PIERCE1: variants seen among roughly 807,000 people sequenced by gnomAD.
The protein encoded by PIERCE1 is piercer of microtubule wall 1, also known as piercer of microtubule wall 1 protein.
the PIERCE1 span, among the ~76,000 whole-genome samples, chr9:135,496,708 T>A: frequency 6.6e-6 from 1 of 151,954 alleles, no homozygotes; most frequent in Middle Eastern, 3.4e-3. Flanking sequence ...TATTAGTAAC[T>A]AAAGTCTACA....
chr9:135,499,002 G>A, the PIERCE1 span: 20 of 306,902 alleles, frequency 6.5e-5, no homozygotes, highest in Admixed American at 2.4e-4. Context: ...TGTCAGGAGC[G>A]GAGGCTTGGC....
At chr9:135,499,781 G>C in the PIERCE1 span, 1 of 1,606,246 alleles carries the variant, frequency 6.2e-7, no homozygotes, top group Non-Finnish European at 8.5e-7. Context: ...GTAGTCGCTG[G>C]TCCTCTCCGG....
At chr9:135,497,400 C>CTT in the PIERCE1 span, among the ~76,000 whole-genome samples, 325 of 147,422 alleles carry the variant, frequency 2.2e-3, 2 homozygotes, top group Middle Eastern at 7.0e-3. Context: ...GTTTTTTTTT[C>CTT]TTTTTTTTTT....
chr9:135,499,562 C>G, the PIERCE1 span: 2 of 1,126,838 alleles, frequency 1.8e-6, no homozygotes, highest in Non-Finnish European at 2.6e-6. Context: ...TCGCCGCTCA[C>G]TGGCGGGCGA....
At chr9:135,496,065 A>T in the PIERCE1 span, among the ~76,000 whole-genome samples, 4 of 152,378 alleles carry the variant, frequency 2.6e-5, no homozygotes, top group Middle Eastern at 3.4e-3. Flanking sequence ...CTGTAATCCC[A>T]GCACTCTGGG....
the PIERCE1 span, among the ~76,000 whole-genome samples, chr9:135,498,346 C>T: frequency 2.0e-5 from 3 of 152,024 alleles, no homozygotes; most frequent in Non-Finnish European, 4.4e-5. The surrounding 1 kb of genome is among the most constrained non-coding windows in gnomAD (Gnocchi z 4.1). Context: ...AGTCTATATC[C>T]TCCTCTTTTA....
the PIERCE1 span, among the ~76,000 whole-genome samples, chr9:135,496,777 G>A: frequency 6.7e-6 from 1 of 149,644 alleles, no homozygotes; most frequent in South Asian, 2.1e-4. Flanking sequence ...ATCATGGAGA[G>A]GAATTCCCTT....
the PIERCE1 span, among the ~76,000 whole-genome samples, chr9:135,497,314 A>G: frequency 1.3e-5 from 2 of 151,870 alleles, no homozygotes. Context: ...GGCTCCTACC[A>G]TTTACAATAG....
chr9:135,499,547 C>G, the PIERCE1 span: 24 of 975,188 alleles, frequency 2.5e-5, no homozygotes, highest in East Asian at 6.0e-4. Flanking sequence ...CTCTAGGGAG[C>G]ACGGTCGCCG....
chr9:135,496,651 C>T, the PIERCE1 span, among the ~76,000 whole-genome samples: 7 of 152,314 alleles, frequency 4.6e-5, no homozygotes, highest in East Asian at 1.2e-3. Context: ...CTTAGCATGT[C>T]GCACTTGTGT....
chr9:135,498,540 C>T, the PIERCE1 span: 2 of 1,578,450 alleles, frequency 1.3e-6, no homozygotes, highest in Admixed American at 3.3e-5. This position sits in a 1 kb window ranked among gnomAD's most constrained non-coding sequence, Gnocchi z 4.1. Flanking sequence ...CTTCTTGAGG[C>T]CACCCACCCC....
the PIERCE1 span, chr9:135,498,653 C>T: frequency 6.2e-7 from 1 of 1,613,884 alleles, no homozygotes. The surrounding 1 kb of genome is among the most constrained non-coding windows in gnomAD (Gnocchi z 4.1). Context: ...ACGGAGACAG[C>T]CTTCTGGGTC....
At chr9:135,499,426 G>C in the PIERCE1 span, 2 of 669,660 alleles carry the variant, frequency 3.0e-6, no homozygotes, top group Non-Finnish European at 5.6e-6. Flanking sequence ...TCAGGGTAGA[G>C]AGGAGAGGAG....
the PIERCE1 span, chr9:135,498,545 C>T: frequency 1.4e-5 from 22 of 1,595,136 alleles, no homozygotes; most frequent in Non-Finnish European, 1.9e-5. This position sits in a 1 kb window ranked among gnomAD's most constrained non-coding sequence, Gnocchi z 4.1. Context: ...TGAGGCCACC[C>T]ACCCCCTGCC....
the PIERCE1 span, chr9:135,499,332 C>G: frequency 4.3e-6 from 2 of 466,982 alleles, no homozygotes; most frequent in South Asian, 1.9e-5. Flanking sequence ...TCTTAGCCTG[C>G]AATGCCCTGT....
chr9:135,497,076 C>T, the PIERCE1 span, among the ~76,000 whole-genome samples: 4,859 of 152,280 alleles, frequency 0.032, 284 homozygotes, highest in African/African-American at 0.11. Flanking sequence ...GGATTACAGG[C>T]GTGAGCCACC....
At chr9:135,499,484 TC>T in the PIERCE1 span, 3 of 719,688 alleles carry the variant, frequency 4.2e-6, no homozygotes, top group East Asian at 5.5e-5. Context: ...CTGGGCTTTC[TC>T]CCCCCACGGC....
At chr9:135,497,260 C>T in the PIERCE1 span, among the ~76,000 whole-genome samples, 2 of 152,208 alleles carry the variant, frequency 1.3e-5, no homozygotes, top group Non-Finnish European at 2.9e-5. Context: ...TCAGTAGTAC[C>T]TCATGCCTCC....
At chr9:135,499,537 C>G in the PIERCE1 span, 1 of 902,754 alleles carries the variant, frequency 1.1e-6, no homozygotes, top group Non-Finnish European at 1.8e-6. Context: ...TTGTATGAGG[C>G]TCTAGGGAGC....
Sources: allele counts gnomAD v4.1 joint callset (sites outside exome capture counted in the v4.1 genomes callset), GRCh38; gene constraint gnomAD v4.1.1; non-coding constraint Gnocchi (gnomAD v3.1); transcripts MANE v1.5; gene names NCBI Gene and HGNC (gene_info 2026-07-23, HGNC 2026-07-21).